ELAPOR2: variants seen among roughly 807,000 people sequenced by gnomAD.
The protein encoded by ELAPOR2 is endosome/lysosome-associated apoptosis and autophagy regulator family member 2.
In ELAPOR2, 89 loss-of-function variants were observed where a neutral mutation model predicts 120.7. The observed-to-expected ratio is 0.74, with a 90% CI of 0.62 to 0.88. The LOEUF is 0.88. Ranked by LOEUF, ELAPOR2 falls within the 40% of genes least tolerant of loss-of-function variation. The probability of loss-of-function intolerance (pLI) is 0.00; values close to 1 mark genes in which losing one functional copy is unlikely to be tolerated. For missense variants in ELAPOR2, 1,134 were observed against 1,251.6 expected (o/e 0.91, Z 1.42); for synonymous variants, 444 against 444.9 (o/e 1.00, Z 0.03).
chr7:87,058,034 C>A (rs998110881), intron 1 of ELAPOR2, among the ~76,000 whole-genome samples: 14 of 152,158 alleles, frequency 9.2e-5, no homozygotes, highest in African/African-American at 3.1e-4. Context: ...TACTAAAAAG[C>A]CCTAAAATTA....
chr7:86,911,999 C>G lies in ELAPOR2; in HGVS notation c.2169+73G>C, dbSNP rs1026484749. 7.8e-6 allele frequency: 11 copies of G among 1,410,074 alleles called. No homozygotes were observed. The African/African-American group carries it at 1.3e-4, about 16-fold the overall frequency. The allele number at this position is 1,410,074 out of a possible 1,614,324, so 87.3% of individuals were successfully genotyped here. ...GATATCCATAGAGAATTTATTGGTC[C>G]ATTAACACAGAAAATATCAACTTGA... is the stretch of plus-strand genomic sequence containing the variant. On this transcript the variant is annotated intron_variant, in intron 15 of 21. Coordinates refer to ENST00000450689, the MANE Select transcript of ELAPOR2 (RefSeq NM_001142749.3).
chr7:86,887,068 C>G (rs1799726228), intron 21 of ELAPOR2, among the ~76,000 whole-genome samples: 1 of 152,150 alleles, frequency 6.6e-6, no homozygotes, highest in Admixed American at 6.6e-5. Context: ...CAATGGCTGG[C>G]TGTTTTGTCT....
chr7:86,944,858 T>A (rs370259701), intron 4 of ELAPOR2, 41 bp downstream of exon 4: 36 of 1,476,390 alleles, frequency 2.4e-5, no homozygotes, highest in African/African-American at 5.8e-5. Flanking sequence ...TTTACATGAA[T>A]GTCCCTTAAA....
At chr7:87,011,877 A>C (rs1178943837) in intron 1 of ELAPOR2, among the ~76,000 whole-genome samples, 1 of 152,212 alleles carries the variant, frequency 6.6e-6, no homozygotes, top group Non-Finnish European at 1.5e-5. Flanking sequence ...TCTGAATAGA[A>C]ATATAAGCTA....
chr7:86,937,691 C>A lies in ELAPOR2; in HGVS notation c.1089+435G>T, dbSNP rs1259961480. On this transcript the variant is annotated intron_variant, in intron 8 of 21. Transcript: ENST00000450689. ...AATAATTAAAGAGAAGTTATAAGAA[C>A]TTTCCATCCTGTGAGTCACACTACA... 7.9e-5 allele frequency among the ~76,000 whole-genome samples: 12 copies of A among 152,204 alleles called. No homozygotes were observed. In the South Asian group the frequency reaches 2.5e-3, roughly 32 times the overall value.
chr7:87,017,529 G>C (rs1406641457), intron 1 of ELAPOR2, among the ~76,000 whole-genome samples: 5 of 152,128 alleles, frequency 3.3e-5, no homozygotes, highest in African/African-American at 1.2e-4. Context: ...GGTATTAAGA[G>C]TACTCAGAAT....
chr7:86,985,375 C>T (rs984575022), intron 1 of ELAPOR2, among the ~76,000 whole-genome samples: 5 of 152,150 alleles, frequency 3.3e-5, no homozygotes, highest in African/African-American at 1.2e-4. Context: ...CAAAGCCTGG[C>T]AGAGACACAA....
At chr7:86,897,480 C>A (rs777276834) in intron 19 of ELAPOR2, 26 bp downstream of exon 19, 14 of 1,605,922 alleles carry the variant, frequency 8.7e-6, no homozygotes, top group Non-Finnish European at 1.2e-5. Flanking sequence ...AATGCCGAAG[C>A]TCTGCCTTGA....
rs779116773 is a variant in ELAPOR2 at position 86,918,550 on chromosome 7, T to C, written c.1491-6A>G. On this transcript the variant is annotated splice_polypyrimidine_tract_variant and splice_region_variant and intron_variant, in intron 11 of 21. Transcript: ENST00000450689. ...CAGTCATAGATGTTGGTGGTCTATT[T>C]GACAGATTAAAATGGCAATATTTAT... is the stretch of plus-strand genomic sequence containing the variant. The C allele has an allele frequency of 1.9e-6, 3 of 1,551,208 alleles. No individual in the cohort carries two copies. In the South Asian group the frequency reaches 3.4e-5, roughly 17 times the overall value.
At chr7:87,039,110 G>A (rs1425635452) in intron 1 of ELAPOR2, among the ~76,000 whole-genome samples, 2 of 151,822 alleles carry the variant, frequency 1.3e-5, no homozygotes, top group East Asian at 3.9e-4. Flanking sequence ...AAATGCAAAG[G>A]ATCATTAGAG....
At chr7:87,044,887 C>A (rs955631545) in intron 1 of ELAPOR2, among the ~76,000 whole-genome samples, 5 of 148,388 alleles carry the variant, frequency 3.4e-5, no homozygotes, top group Admixed American at 6.6e-5. Flanking sequence ...CCAGAATCTA[C>A]AATGAACTCA....
At chr7:86,945,140 T>C in intron 3 of ELAPOR2, 94 bp from the exon 4 acceptor site, 2 of 1,173,130 alleles carry the variant, frequency 1.7e-6, no homozygotes, top group Non-Finnish European at 2.4e-6. Flanking sequence ...AGTAGTTCCA[T>C]CAGCAAAGTA....
At chr7:86,997,041 A>G (rs1793147400) in intron 1 of ELAPOR2, among the ~76,000 whole-genome samples, 1 of 152,168 alleles carries the variant, frequency 6.6e-6, no homozygotes, top group African/African-American at 2.4e-5. Flanking sequence ...TCACTTATAT[A>G]CTTTACATGT....
chr7:86,925,772 G>A, intron 9 of ELAPOR2, 116 bp from the exon 10 acceptor site: 4 of 921,070 alleles, frequency 4.3e-6, no homozygotes, highest in Non-Finnish European at 6.8e-6. Context: ...GGAAAAAAAA[G>A]ATATTGGACT....
intron 1 of ELAPOR2, among the ~76,000 whole-genome samples, chr7:87,049,044 C>T (rs1795027844): frequency 6.6e-6 from 1 of 152,166 alleles, no homozygotes; most frequent in South Asian, 2.1e-4. Flanking sequence ...ATTAAATTTA[C>T]ACATTCATTC....
At chr7:87,027,864 A>G (rs575978029) in intron 1 of ELAPOR2, among the ~76,000 whole-genome samples, 45 of 152,286 alleles carry the variant, frequency 3.0e-4, no homozygotes, top group Middle Eastern at 3.4e-3. Context: ...AAAGTAATAC[A>G]AAAGGATATC....
intron 21 of ELAPOR2, among the ~76,000 whole-genome samples, chr7:86,885,476 TTC>T (rs575319620): frequency 2.0e-5 from 3 of 152,118 alleles, no homozygotes; most frequent in African/African-American, 4.8e-5. Context: ...CTGTCAAAGA[TTC>T]TCTCTCTCTT....
At chr7:86,914,654 T>C (rs1789474394) in intron 13 of ELAPOR2, 69 bp downstream of exon 13, 1 of 1,322,808 alleles carries the variant, frequency 7.6e-7, no homozygotes, top group Admixed American at 2.5e-5. Flanking sequence ...GTTATCACTT[T>C]GTATGCATCT....
chr7:86,931,633 A>G (rs565793277), intron 8 of ELAPOR2, among the ~76,000 whole-genome samples: 1 of 151,804 alleles, frequency 6.6e-6, no homozygotes, highest in Non-Finnish European at 1.5e-5. Flanking sequence ...CAGACGTTTC[A>G]CTACCTTCTA....
Sources: gnomAD v4.1 joint callset for allele counts (sites outside exome capture counted in the v4.1 genomes callset) on GRCh38, gnomAD v4.1.1 for gene constraint, MANE v1.5 for transcripts, NCBI Gene and HGNC (gene_info 2026-07-23, HGNC 2026-07-21) for gene names.